Variants in ANKRD36 observed in about 807,000 individuals in gnomAD.
ANKRD36 encodes ankyrin repeat domain-containing protein 36A.
In ANKRD36, 179 loss-of-function variants were observed where a neutral mutation model predicts 278.1. That is an observed-to-expected ratio of 0.64 (90% CI 0.57 to 0.73). The LOEUF (loss-of-function observed/expected upper bound fraction) is 0.73. Ranked by LOEUF, ANKRD36 falls within the 30% of genes least tolerant of loss-of-function variation. The probability of loss-of-function intolerance (pLI) is 0.00; values close to 1 mark genes in which losing one functional copy is unlikely to be tolerated. For missense variants in ANKRD36, 1,159 were observed against 1,956.7 expected, an observed-to-expected ratio of 0.59 and a Z score of 7.69; for synonymous variants, 320 against 641.1, an observed-to-expected ratio of 0.50 and a Z score of 7.57.
chr2:97,218,228 T>A (rs2066469464), intron 64 of ANKRD36, among the ~76,000 whole-genome samples: 1 of 150,508 alleles, frequency 6.6e-6, no homozygotes, highest in African/African-American at 2.5e-5. Context: ...AAAAATAATG[T>A]TGAATTCATT....
intron 64 of ANKRD36, 83 bp downstream of exon 64, chr2:97,217,455 T>C: frequency 1.3e-6 from 2 of 1,533,410 alleles, no homozygotes; most frequent in Non-Finnish European, 1.8e-6. Context: ...AGCAGGGTGC[T>C]CATTGAAAAT....
intron 6 of ANKRD36, among the ~76,000 whole-genome samples, chr2:97,128,285 C>T (rs7606426): frequency 0.59 from 89,131 of 151,396 alleles, 30,467 homozygotes; most frequent in Non-Finnish European, 0.78. Flanking sequence ...GTGACAAAAC[C>T]CTGGGAATGT....
intron 6 of ANKRD36, among the ~76,000 whole-genome samples, chr2:97,132,277 T>C (rs1047830198): frequency 3.6e-4 from 55 of 151,924 alleles, no homozygotes; most frequent in Middle Eastern, 3.4e-3. Context: ...ACTACAGGTG[T>C]GTGTCATTGC....
chr2:97,191,797 A>G (rs1433407924), intron 36 of ANKRD36, among the ~76,000 whole-genome samples: 1 of 151,696 alleles, frequency 6.6e-6, no homozygotes, highest in Non-Finnish European at 1.5e-5. Flanking sequence ...AGTGGGAAAC[A>G]ATGCTAGAAT....
At chr2:97,171,279 T>C (rs2052407688) in intron 22 of ANKRD36, among the ~76,000 whole-genome samples, 1 of 145,322 alleles carries the variant, frequency 6.9e-6, no homozygotes, top group Admixed American at 7.0e-5. Context: ...CTATTCACAA[T>C]AGCAAAGACT....
At chr2:97,191,809 G>A (rs2153567226) in intron 36 of ANKRD36, among the ~76,000 whole-genome samples, 1 of 151,744 alleles carries the variant, frequency 6.6e-6, no homozygotes, top group Middle Eastern at 3.4e-3. Flanking sequence ...TGCTAGAATT[G>A]CCATAAAAAC....
chr2:97,223,426 T>C (rs1315070273), intron 66 of ANKRD36, among the ~76,000 whole-genome samples: 5 of 151,888 alleles, frequency 3.3e-5, no homozygotes, highest in African/African-American at 2.4e-5. Context: ...GTGGTTTACA[T>C]ATCTTCTTGC....
At chr2:97,205,451 G>A (rs1371044564) in intron 50 of ANKRD36, among the ~76,000 whole-genome samples, 5 of 151,526 alleles carry the variant, frequency 3.3e-5, no homozygotes, top group Non-Finnish European at 7.4e-5. Flanking sequence ...GATGTGAAGT[G>A]TAAGTTCAAC....
rs2060415663 is a variant in ANKRD36, at chr2:97,198,451, T to A, written c.2654-12T>A. ...TACATATGAGTGATTATGAATCCCT[T>A]TTACTTTTCAGTGTCTTCTGAGAAA... On this transcript the variant is annotated splice_polypyrimidine_tract_variant and intron_variant, in intron 42 of 75. Transcript: ENST00000420699. The A allele has an allele frequency of 6.3e-7, 1 of 1,576,602 alleles. No homozygotes were observed. Among genetic ancestry groups the A allele is most frequent in the African/African-American group, 1.4e-5 (1 of 73,722 alleles).
At chr2:97,130,612 A>C (rs1441467988) in intron 6 of ANKRD36, among the ~76,000 whole-genome samples, 1 of 149,564 alleles carries the variant, frequency 6.7e-6, no homozygotes, top group Non-Finnish European at 1.5e-5. Flanking sequence ...AGTAGCCTAC[A>C]TACGAGCAGT....
intron 6 of ANKRD36, among the ~76,000 whole-genome samples, chr2:97,135,149 T>TA (rs1329179088): frequency 6.6e-6 from 1 of 152,024 alleles, no homozygotes; most frequent in Non-Finnish European, 1.5e-5. Context: ...TTCATAGATC[T>TA]AGATTTTTTG....
chr2:97,202,569 T>C (rs1473045970), intron 48 of ANKRD36, among the ~76,000 whole-genome samples, 176 bp downstream of exon 48: 19 of 151,792 alleles, frequency 1.3e-4, no homozygotes, highest in Non-Finnish European at 2.4e-4. Flanking sequence ...TGGAACATGA[T>C]CTTCGCTGTA....
chr2:97,115,571 C>G lies in ANKRD36; in HGVS notation c.197+1635C>G, dbSNP rs148175269. ...ATTTATTTTTCAGATGTTCAAGCAA[C>G]CTATGCACATGGGAAAAAATATTTA... On this transcript the variant is annotated intron_variant, in intron 1 of 75. Coordinates refer to ENST00000420699, the MANE Select transcript of ANKRD36 (RefSeq NM_001354587.1). Among the ~76,000 whole-genome samples the G allele has an allele frequency of 4.5e-3, 685 of 151,936 alleles. 5 individuals carry two copies. Among genetic ancestry groups the G allele is most frequent in the African/African-American group, 0.016 (649 of 41,436 alleles).
intron 32 of ANKRD36, among the ~76,000 whole-genome samples, chr2:97,187,861 C>A (rs577389837): frequency 3.3e-5 from 5 of 151,654 alleles, no homozygotes; most frequent in Non-Finnish European, 7.4e-5. Flanking sequence ...ATTATTTTCC[C>A]AAGGAAGATG....
rs936723610 is a variant in ANKRD36 at position 97,206,185 on chromosome 2, A to C, written c.3163+50A>C. On this transcript the variant is annotated intron_variant, in intron 52 of 75. Coordinates refer to ENST00000420699, the MANE Select transcript of ANKRD36 (RefSeq NM_001354587.1). ...CCATGTTCAGTCGAGATAGATAAGA[A>C]GTTCTCTTCCCCAAGTAAATCAGCG... The C allele has an allele frequency of 5.4e-6, 8 of 1,476,672 alleles. No individual in the cohort carries two copies. The African/African-American group carries it at 9.9e-5, about 18-fold the overall frequency. 91.5% of individuals were successfully genotyped at this position (1,476,672 alleles called of 1,614,324 possible). A position where few individuals can be genotyped will look rare whatever the true frequency, so the allele number is the denominator to read the frequency against.
intron 32 of ANKRD36, 93 bp downstream of exon 32, chr2:97,187,494 G>GGGGGGGGGGGA: frequency 2.1e-5 from 2 of 95,518 alleles, no homozygotes; most frequent in Non-Finnish European, 4.3e-5. Flanking sequence ...GGGTGGGGGG[G>GGGGGGGGGGGA]CTCGCCGAAG....
rs778858138 is a variant in ANKRD36 at position 97,194,746 on chromosome 2, G to T, written c.2470G>T (p.Ala824Ser). Residue 824 changes from alanine to serine, a missense_variant, in exon 39 of 76, where the codon GCC (alanine) becomes TCC (serine). Coordinates refer to ENST00000420699, the MANE Select transcript of ANKRD36 (RefSeq NM_001354587.1). ...TTCAGTGTCTTCTCGGAAAAAACCA[G>T]CCTTGAAGGTAATGAAACTCTCATT... Reference protein sequence around the residue: ...SRTVSSRKKPALKATSDEKDS... With the variant: ...SRTVSSRKKPSLKATSDEKDS... 46 of 1,604,578 alleles carry T rather than the reference G, an allele frequency of 2.9e-5. No individual in the cohort carries two copies. In the African/African-American group the frequency reaches 3.2e-4, roughly 11 times the overall value.
intron 6 of ANKRD36, among the ~76,000 whole-genome samples, chr2:97,140,339 A>G (rs1400037961): frequency 3.3e-5 from 5 of 151,642 alleles, no homozygotes; most frequent in African/African-American, 9.7e-5. Context: ...ACATTTCAGA[A>G]CCCATTTCTC....
intron 58 of ANKRD36, chr2:97,212,918 A>T (rs1431231537): frequency 3.9e-6 from 1 of 257,368 alleles, no homozygotes; most frequent in Non-Finnish European, 7.2e-6. Context: ...ACTTCCACTG[A>T]AGAGACGTGA....
Sources: allele counts gnomAD v4.1 joint callset (sites outside exome capture counted in the v4.1 genomes callset), GRCh38; gene constraint gnomAD v4.1.1; transcripts MANE v1.5; gene names NCBI Gene and HGNC (gene_info 2026-07-23, HGNC 2026-07-21).